The following FMN1 variants were observed in gnomAD, a reference collection of about 807,000 sequenced individuals.
The protein encoded by FMN1 is formin-1.
In FMN1, 110 loss-of-function variants were observed where a neutral mutation model predicts 132.4. The ratio of observed to expected loss-of-function variants is 0.83; its 90% CI spans 0.71 to 0.97. FMN1 has a LOEUF of 0.97. Among genes scored for constraint, FMN1 ranks in the 50% least tolerant of loss-of-function variants. FMN1 has a pLI of 0.00. For missense variants in FMN1, 1,792 were observed against 1,705.3 expected, an observed-to-expected ratio of 1.05 and a Z score of -0.90; for synonymous variants, 722 against 651.7, an observed-to-expected ratio of 1.11 and a Z score of -1.64.
chr15:33,162,855 G>T (rs976311572), intron 3 of FMN1, among the ~76,000 whole-genome samples: 1 of 152,140 alleles, frequency 6.6e-6, no homozygotes, highest in Non-Finnish European at 1.5e-5. Flanking sequence ...GGTGGCTCAC[G>T]CCTGTAATCC....
chr15:32,819,102 C>A (rs573746157), intron 17 of FMN1, among the ~76,000 whole-genome samples: 8 of 152,238 alleles, frequency 5.3e-5, no homozygotes, highest in Non-Finnish European at 1.2e-4. Flanking sequence ...GCAGGCAAGG[C>A]GAGCTGAAGA....
chr15:32,930,041 G>A (rs2061070644), intron 9 of FMN1, among the ~76,000 whole-genome samples: 1 of 135,978 alleles, frequency 7.4e-6, no homozygotes, highest in Non-Finnish European at 1.5e-5. Flanking sequence ...CTAGGCTGGA[G>A]TGCAGAGGCT....
chr15:32,967,014 G>T (rs904118399), intron 8 of FMN1, among the ~76,000 whole-genome samples: 66 of 152,288 alleles, frequency 4.3e-4, no homozygotes, highest in Non-Finnish European at 1.9e-4. Context: ...ATCATAGAGG[G>T]GCAGCCCCCC....
At chr15:33,174,197 A>G (rs552156348) in intron 3 of FMN1, among the ~76,000 whole-genome samples, 10 of 152,256 alleles carry the variant, frequency 6.6e-5, no homozygotes, top group Admixed American at 6.5e-4. Flanking sequence ...TTCCCAAAGA[A>G]AAGAAAAGAA....
At chr15:33,105,763 A>G (rs898643424) in intron 4 of FMN1, 2 of 152,052 alleles carry the variant, frequency 1.3e-5, no homozygotes, top group African/African-American at 4.8e-5. Flanking sequence ...ATTTACAATA[A>G]AAGTATCCAT....
chr15:33,127,937 C>T (rs900113904), intron 4 of FMN1, among the ~76,000 whole-genome samples: 1 of 150,358 alleles, frequency 6.7e-6, no homozygotes, highest in Non-Finnish European at 1.5e-5. Flanking sequence ...GAAGAAGAGG[C>T]AGCAACAGGA....
intron 9 of FMN1, among the ~76,000 whole-genome samples, chr15:32,940,411 G>T (rs948155351): frequency 6.6e-6 from 1 of 151,652 alleles, no homozygotes; most frequent in Non-Finnish European, 1.5e-5. Flanking sequence ...GTGTGTGTGT[G>T]TGTGTGTGTG....
chr15:32,921,317 G>T (rs1054660288), intron 10 of FMN1, among the ~76,000 whole-genome samples: 6 of 152,200 alleles, frequency 3.9e-5, no homozygotes, highest in African/African-American at 1.4e-4. Flanking sequence ...ATGACAAAGA[G>T]TAAGAAAAGT....
chr15:33,071,921 T>C (rs2038013958), intron 5 of FMN1, among the ~76,000 whole-genome samples: 1 of 152,230 alleles, frequency 6.6e-6, no homozygotes, highest in Admixed American at 6.5e-5. Flanking sequence ...TCTCAGTATC[T>C]ATGTGCTGAA....
chr15:33,129,570 C>T (rs538177161), intron 4 of FMN1, among the ~76,000 whole-genome samples: 1 of 152,280 alleles, frequency 6.6e-6, no homozygotes, highest in South Asian at 2.1e-4. Context: ...CCTCCATAAG[C>T]ATGACCTTAT....
At chr15:33,101,924 A>G (rs1191658672) in intron 4 of FMN1, among the ~76,000 whole-genome samples, 1 of 152,028 alleles carries the variant, frequency 6.6e-6, no homozygotes, top group Non-Finnish European at 1.5e-5. Flanking sequence ...ATTCCTCATA[A>G]TACACTTCCT....
At chr15:32,861,885 G>A (rs957253662) in intron 16 of FMN1, among the ~76,000 whole-genome samples, 2 of 152,208 alleles carry the variant, frequency 1.3e-5, no homozygotes, top group African/African-American at 4.8e-5. Flanking sequence ...GAGCTTCGCG[G>A]TTTTGAAATT....
chr15:33,102,051 A>G (rs1046588487), intron 4 of FMN1, among the ~76,000 whole-genome samples: 1 of 152,108 alleles, frequency 6.6e-6, no homozygotes, highest in Admixed American at 6.6e-5. Flanking sequence ...TGTGTCTTCC[A>G]AACTAAGTTT....
intron 5 of FMN1, among the ~76,000 whole-genome samples, chr15:33,078,828 A>C (rs1427238507): frequency 6.6e-6 from 1 of 152,152 alleles, no homozygotes; most frequent in Non-Finnish European, 1.5e-5. Flanking sequence ...GCTTTTTTGA[A>C]AGACACACAT....
chr15:32,890,991 G>C (rs939287707), intron 15 of FMN1, among the ~76,000 whole-genome samples: 1 of 152,164 alleles, frequency 6.6e-6, no homozygotes. Context: ...TTGTTGAAAA[G>C]GGTGTCCTTT....
chr15:33,118,342 C>G (rs2468764), intron 4 of FMN1, among the ~76,000 whole-genome samples: 2 of 151,812 alleles, frequency 1.3e-5, no homozygotes, highest in East Asian at 3.9e-4. Context: ...TGATGATTGT[C>G]CAAACACAAA....
rs1567224832 is a variant in FMN1 at position 32,823,165 on chromosome 15, T to TG, written c.3929-18834_3929-18833insC. ...AGAGTTTCTACTGTTTTTTTTTTTT[T>TG]TTTTTTTTTTTTTTGAGACAGAGTC... On this transcript the variant is annotated intron_variant, in intron 17 of 20. Transcript: ENST00000616417. Among the ~76,000 whole-genome samples the TG allele has an allele frequency of 5.3e-3, 491 of 92,686 alleles. 13 individuals carry two copies. The South Asian group carries it at 0.091, about 17-fold the overall frequency. 60.8% of individuals were successfully genotyped at this position (92,686 alleles called of 152,430 possible). A position where few individuals can be genotyped will look rare whatever the true frequency, so the allele number is the denominator to read the frequency against.
At chr15:32,819,209 T>C (rs753273227) in intron 17 of FMN1, among the ~76,000 whole-genome samples, 54 of 143,890 alleles carry the variant, frequency 3.8e-4, no homozygotes, top group Non-Finnish European at 7.0e-4. Context: ...TTCTGATCCA[T>C]GCAACCCCCT....
rs28616589 is a variant in FMN1, at chr15:32,768,381, G to T, written c.*5929C>A. 0.075 allele frequency: 11,350 copies of T among 152,266 alleles called. 511 individuals carry two copies. Among genetic ancestry groups the T allele is most frequent in the Middle Eastern group, 0.13 (38 of 294 alleles). 9.4% of individuals were successfully genotyped at this position (152,266 alleles called of 1,614,324 possible). A position where few individuals can be genotyped will look rare whatever the true frequency, so the allele number is the denominator to read the frequency against. ...AATGAAGGAAAGCAGGTACACGTTT[G>T]CCAAGGACATTAACAAACAATTGCT... On this transcript the variant is annotated 3_prime_UTR_variant, in exon 21 of 21. Transcript: ENST00000616417.
Sources: gnomAD v4.1 joint callset for allele counts (sites outside exome capture counted in the v4.1 genomes callset) on GRCh38, gnomAD v4.1.1 for gene constraint, MANE v1.5 for transcripts, NCBI Gene and HGNC (gene_info 2026-07-23, HGNC 2026-07-21) for gene names.